Variants in ARL15 observed in about 807,000 individuals in gnomAD.
ARL15 encodes the protein ADP-ribosylation factor-like protein 15.
In ARL15, 19 loss-of-function variants were observed where a neutral mutation model predicts 25.2. The observed-to-expected ratio is 0.75, with a 90% CI of 0.53 to 1.10. ARL15 has a LOEUF of 1.10. Ranked by LOEUF, ARL15 falls within the 50% of genes least tolerant of loss-of-function variation. The pLI is 0.00. For missense variants in ARL15, 220 were observed against 246.0 expected (o/e 0.89, Z 0.71); for synonymous variants, 94 against 86.8 (o/e 1.08, Z -0.46).
Position 54,221,572 on chromosome 5 carries a change from C to G in ARL15, c.49-49644G>C, listed in dbSNP as rs895752975. ...TGGGGTGTGTATACACACACACACA[C>G]TTCATACATACATCTGTACATGTAC... On this transcript the variant is annotated intron_variant, in intron 1 of 4. Coordinates refer to ENST00000504924, the MANE Select transcript of ARL15 (RefSeq NM_019087.3). Among the ~76,000 whole-genome samples, 2 of 151,938 alleles carry G rather than the reference C, an allele frequency of 1.3e-5. 1 individual carries two copies. Among genetic ancestry groups the G allele is most frequent in the Admixed American group, 1.3e-4 (2 of 15,262 alleles).
At chr5:54,046,630 T>C (rs1038215707) in intron 4 of ARL15, among the ~76,000 whole-genome samples, 1 of 152,228 alleles carries the variant, frequency 6.6e-6, no homozygotes, top group African/African-American at 2.4e-5. Context: ...AGATTAATGA[T>C]AGAGGCAACA....
At chr5:54,003,493 T>C (rs1748913296) in intron 4 of ARL15, among the ~76,000 whole-genome samples, 1 of 152,174 alleles carries the variant, frequency 6.6e-6, no homozygotes, top group Admixed American at 6.5e-5. Flanking sequence ...TGAAGGTCTT[T>C]CATGAGAATT....
chr5:54,128,766 C>G (rs568761888), intron 3 of ARL15, among the ~76,000 whole-genome samples: 1 of 143,048 alleles, frequency 7.0e-6, no homozygotes, highest in Admixed American at 7.6e-5. Flanking sequence ...AGTGCAATGG[C>G]GCAATCTCAG....
rs115378771 is a variant in ARL15, at chr5:54,000,983, T to C, written c.462+112219A>G. Among the ~76,000 whole-genome samples, 824 of 152,310 alleles carry C rather than the reference T, an allele frequency of 5.4e-3. 4 individuals carry two copies. Among genetic ancestry groups the C allele is most frequent in the Admixed American group, 0.011 (169 of 15,308 alleles). On this transcript the variant is annotated intron_variant, in intron 4 of 4. Coordinates refer to ENST00000504924, the MANE Select transcript of ARL15 (RefSeq NM_019087.3). ...TTAGTTTAGTACTCTGCTGTTACTATCTTGAAATTCTTAATAATTTTATCT... is the reference window on the plus strand; with the variant it reads ...TTAGTTTAGTACTCTGCTGTTACTACCTTGAAATTCTTAATAATTTTATCT...
At chr5:54,225,769 C>T (rs778636789) in intron 1 of ARL15, among the ~76,000 whole-genome samples, 6 of 151,982 alleles carry the variant, frequency 3.9e-5, no homozygotes, top group Non-Finnish European at 8.8e-5. Flanking sequence ...GACACACCAT[C>T]GCATCGGGAA....
intron 1 of ARL15, among the ~76,000 whole-genome samples, chr5:54,225,314 G>A (rs1756489160): frequency 2.0e-5 from 3 of 152,166 alleles, no homozygotes; most frequent in African/African-American, 4.8e-5. Context: ...GAAGCAAAGC[G>A]CCTTTATCCA....
intron 4 of ARL15, among the ~76,000 whole-genome samples, chr5:54,050,783 G>C (rs1750681860): frequency 6.6e-6 from 1 of 152,098 alleles, no homozygotes. Context: ...CTCTTCAGCT[G>C]TTCCCTTCTC....
chr5:54,169,443 A>ACGC (rs1379318315), intron 2 of ARL15, among the ~76,000 whole-genome samples: 1 of 152,192 alleles, frequency 6.6e-6, no homozygotes, highest in Non-Finnish European at 1.5e-5. Context: ...GAACACCTGA[A>ACGC]CTGGCATCCT....
At chr5:53,979,501 T>C (rs1176261441) in intron 4 of ARL15, among the ~76,000 whole-genome samples, 2 of 152,036 alleles carry the variant, frequency 1.3e-5, no homozygotes, top group African/African-American at 4.8e-5. Flanking sequence ...GATCATACCA[T>C]TGCACTCCAG....
At chr5:54,046,461 C>T (rs935389388) in intron 4 of ARL15, among the ~76,000 whole-genome samples, 16 of 151,762 alleles carry the variant, frequency 1.1e-4, no homozygotes, top group South Asian at 8.3e-4. Context: ...AGCCTGGGCA[C>T]GAGAGCGAGA....
At chr5:54,168,651 G>T (rs773833194) in intron 2 of ARL15, among the ~76,000 whole-genome samples, 1 of 151,880 alleles carries the variant, frequency 6.6e-6, no homozygotes, top group Non-Finnish European at 1.5e-5. Context: ...AACCCAGTAA[G>T]ACCACTAATC....
chr5:54,044,625 C>T (rs1206346578), intron 4 of ARL15, among the ~76,000 whole-genome samples: 1 of 152,068 alleles, frequency 6.6e-6, no homozygotes, highest in African/African-American at 2.4e-5. Flanking sequence ...AACATTGTAT[C>T]TCTCATACAT....
intron 1 of ARL15, among the ~76,000 whole-genome samples, chr5:54,262,015 C>G (rs1416706104): frequency 6.6e-6 from 1 of 152,064 alleles, no homozygotes; most frequent in Non-Finnish European, 1.5e-5. Flanking sequence ...ATCATTAAAT[C>G]AATGGAAAAA....
chr5:53,895,696 C>CT (rs1354299352), intron 4 of ARL15, among the ~76,000 whole-genome samples: 3 of 152,208 alleles, frequency 2.0e-5, no homozygotes, highest in African/African-American at 4.8e-5. Flanking sequence ...ATCTACATAT[C>CT]TTTTCAATTT....
At chr5:53,999,022 T>A (rs1185997623) in intron 4 of ARL15, among the ~76,000 whole-genome samples, 2 of 152,040 alleles carry the variant, frequency 1.3e-5, no homozygotes, top group Non-Finnish European at 2.9e-5. Flanking sequence ...AGAGTAACAT[T>A]TGGATCTGGA....
intron 4 of ARL15, among the ~76,000 whole-genome samples, chr5:53,887,577 G>T (rs1334520575): frequency 6.6e-6 from 1 of 152,164 alleles, no homozygotes; most frequent in Non-Finnish European, 1.5e-5. Flanking sequence ...CTCTCAAAAG[G>T]TATCATAAAA....
At chr5:54,245,786 C>T (rs1757072898) in intron 1 of ARL15, among the ~76,000 whole-genome samples, 1 of 152,090 alleles carries the variant, frequency 6.6e-6, no homozygotes, top group Admixed American at 6.5e-5. Context: ...CGAGGGTTCA[C>T]CATGTTGGCC....
At position 53,964,422 on chromosome 5, in the gene ARL15, T is replaced by G. The variant is rs954590328; in HGVS notation, c.463-77709A>C. On this transcript the variant is annotated intron_variant, in intron 4 of 4. Coordinates refer to ENST00000504924, the MANE Select transcript of ARL15 (RefSeq NM_019087.3). ...TCCCCCATGCTGGAGTGCAGTGGCG[T>G]GATCTCGGCTCACTGCATGCTCCGC... Among the ~76,000 whole-genome samples, 20 of 152,218 alleles carry G rather than the reference T, an allele frequency of 1.3e-4. 1 individual carries two copies. The highest frequency in any genetic ancestry group is 8.3e-4 in the South Asian group (4 of 4,814).
At chr5:54,225,352 TAACACCTGCTGGA>T (rs1245010201) in intron 1 of ARL15, among the ~76,000 whole-genome samples, 2 of 152,126 alleles carry the variant, frequency 1.3e-5, no homozygotes, top group Non-Finnish European at 2.9e-5. Flanking sequence ...TACTAAGCAT[TAACACCTGCTGGA>T]GTGGATAACT....
Sources: allele counts gnomAD v4.1 joint callset (sites outside exome capture counted in the v4.1 genomes callset), GRCh38; gene constraint gnomAD v4.1.1; transcripts MANE v1.5; gene names NCBI Gene and HGNC (gene_info 2026-07-23, HGNC 2026-07-21).